Variants in PZP observed in about 807,000 individuals in gnomAD.
The protein encoded by PZP is pregnancy zone protein.
In PZP, 150 loss-of-function variants were observed where a neutral mutation model predicts 179.8. The ratio of observed to expected loss-of-function variants is 0.83; its 90% CI spans 0.73 to 0.96. The LOEUF is 0.96. PZP is among the 40% of genes least tolerant of loss of function. The probability of loss-of-function intolerance (pLI) is 0.00; values close to 1 mark genes in which losing one functional copy is unlikely to be tolerated. For synonymous variants in PZP, 624 were observed against 652.3 expected (o/e 0.96, Z 0.66); for missense variants, 1,689 against 1,764.0 (o/e 0.96, Z 0.76).
At chr12:9,155,513 T>G (rs937511188) in intron 28 of PZP, among the ~76,000 whole-genome samples, 5 of 151,306 alleles carry the variant, frequency 3.3e-5, no homozygotes, top group Admixed American at 6.6e-5. Context: ...TGTTGTTGTT[T>G]TTGTACTCCA....
chr12:9,157,472 C>A, intron 27 of PZP, 117 bp from the exon 28 acceptor site: 1 of 954,644 alleles, frequency 1.0e-6, no homozygotes, highest in Admixed American at 2.5e-5. Context: ...AGGCAGACAG[C>A]TAGATATTCA....
chr12:9,148,825 T>G (rs1318239822), downstream of PZP: 2 of 647,568 alleles, frequency 3.1e-6, no homozygotes. Flanking sequence ...GATGAATGAA[T>G]GATGCAACAA....
At chr12:9,144,921 G>T (rs757780990), downstream of PZP, among the ~76,000 whole-genome samples, 1 of 152,270 alleles carries the variant, frequency 6.6e-6, no homozygotes, top group African/African-American at 2.4e-5. Context: ...TGCCCTTTGG[G>T]GCAGTTTTTG....
In PZP at chr12:9,166,218, A is replaced by AT. The variant is rs765513292; in HGVS notation, c.2108-17dup. The AT allele has an allele frequency of 8.4e-5, 135 of 1,607,098 alleles. No homozygotes were observed. Among genetic ancestry groups the AT allele is most frequent in the Middle Eastern group, 1.7e-4 (1 of 6,040 alleles). On this transcript the variant is annotated splice_polypyrimidine_tract_variant and intron_variant, in intron 17 of 35. Coordinates refer to ENST00000261336, the MANE Select transcript of PZP (RefSeq NM_002864.3). ...CCTAGACCTGCTAAAGTAAGAGAAA[A>AT]TTGTCTAGTTAGGGAAAAACATTCA...
chr12:9,202,362 CG>C lies in PZP; in HGVS notation c.436del (p.Arg146ValfsTer15), dbSNP rs1565669831. On this transcript the variant is annotated frameshift_variant, in exon 4 of 36. Coordinates refer to ENST00000261336, the MANE Select transcript of PZP (RefSeq NM_002864.3). LOFTEE classifies it high-confidence loss of function. ...AAAATTTTCATCCACGGAGACAACA[CG>C]GAATCTTACTGGAAAAGTAGTTCTC... ...MYKPGQTVRF[R>X]VVSVDENFRP... is the part of the protein sequence containing the mutation. 6.2e-7 allele frequency: 1 copy of C among 1,613,994 alleles called. No individual in the cohort carries two copies. Among genetic ancestry groups the C allele is most frequent in the Non-Finnish European group, 8.5e-7 (1 of 1,180,026 alleles).
At chr12:9,172,694 C>G (rs1565641182) in intron 15 of PZP, among the ~76,000 whole-genome samples, 1 of 152,126 alleles carries the variant, frequency 6.6e-6, no homozygotes, top group Non-Finnish European at 1.5e-5. Flanking sequence ...TCTGACAAAA[C>G]AGACTTTAAA....
chr12:9,149,234 G>C (rs745320910), intron 35 of PZP, among the ~76,000 whole-genome samples: 5 of 152,360 alleles, frequency 3.3e-5, no homozygotes, highest in African/African-American at 4.8e-5. Flanking sequence ...ACAAAATTAA[G>C]TGTAAGGCTA....
At chr12:9,155,305 T>C (rs1474712833) in intron 28 of PZP, among the ~76,000 whole-genome samples, 3 of 152,222 alleles carry the variant, frequency 2.0e-5, no homozygotes, top group Admixed American at 2.0e-4. Context: ...TCTTTTTTTT[T>C]CTCTCCAACT....
At chr12:9,146,492 A>G (rs1447236986), downstream of PZP, among the ~76,000 whole-genome samples, 1 of 152,008 alleles carries the variant, frequency 6.6e-6, no homozygotes, top group African/African-American at 2.4e-5. Context: ...ACATAATTCC[A>G]TTTCATTAGT....
chr12:9,144,422 C>T (rs1939898739), downstream of PZP, among the ~76,000 whole-genome samples: 1 of 152,172 alleles, frequency 6.6e-6, no homozygotes, highest in Non-Finnish European at 1.5e-5. Flanking sequence ...GCCAGAGACT[C>T]TCAGGATCCA....
rs767934833 is a variant in PZP, at chr12:9,162,663, A to G, written c.2737-15T>C. On this transcript the variant is annotated splice_polypyrimidine_tract_variant and intron_variant, in intron 21 of 35. Coordinates refer to ENST00000261336, the MANE Select transcript of PZP (RefSeq NM_002864.3). Reference sequence around the variant, plus strand: ...ATACCTTCAGCCTTGGATGAAAGGAAAGAAAAGGAGAAAAGATAGAAACAT... The same window carrying G: ...ATACCTTCAGCCTTGGATGAAAGGAGAGAAAAGGAGAAAAGATAGAAACAT... 1 of 1,574,088 alleles carries G rather than the reference A, an allele frequency of 6.4e-7. No individual in the cohort carries two copies. Among genetic ancestry groups the G allele is most frequent in the Non-Finnish European group, 8.7e-7 (1 of 1,145,920 alleles).
chr12:9,200,091 A>G (rs1316452199), intron 7 of PZP, among the ~76,000 whole-genome samples: 1 of 152,224 alleles, frequency 6.6e-6, no homozygotes, highest in African/African-American at 2.4e-5. Context: ...ATGTACAGAA[A>G]AATATCATGA....
chr12:9,174,132 A>G (rs564020690), intron 15 of PZP, among the ~76,000 whole-genome samples: 2 of 152,124 alleles, frequency 1.3e-5, no homozygotes, highest in Non-Finnish European at 2.9e-5. Context: ...ATCCACCACA[A>G]CCAAGTAGGC....
rs1166824160 is a variant in PZP, at chr12:9,170,962, T to A, written c.1840-1371A>T. 6.6e-6 allele frequency among the ~76,000 whole-genome samples: 1 copy of A among 152,222 alleles called. No individual in the cohort carries two copies. Among genetic ancestry groups the A allele is most frequent in the East Asian group, 1.9e-4 (1 of 5,170 alleles). The stretch of plus-strand genomic sequence containing the variant: ...TACAGGTGATCCAGGTGAGGAAGGA[T>A]CCCACCCAATGCAGCCCACCTGCTC... On this transcript the variant is annotated intron_variant, in intron 15 of 35. Transcript: ENST00000261336. The surrounding 1 kb of genome is among the most constrained non-coding windows in gnomAD (Gnocchi z 4.6).
intron 17 of PZP, chr12:9,167,670 T>A (rs962531226): frequency 6.6e-6 from 1 of 152,242 alleles, no homozygotes; most frequent in African/African-American, 2.4e-5. Context: ...TTTCCTCATA[T>A]ACCTGATTCA....
At chr12:9,185,437 T>C (rs1038600822) in intron 13 of PZP, among the ~76,000 whole-genome samples, 1 of 152,190 alleles carries the variant, frequency 6.6e-6, no homozygotes, top group African/African-American at 2.4e-5. Flanking sequence ...ATTATTTATG[T>C]AAAAAGACTG....
intron 15 of PZP, among the ~76,000 whole-genome samples, chr12:9,174,955 A>C (rs7311066): frequency 0.59 from 90,388 of 152,056 alleles, 27,814 homozygotes; most frequent in East Asian, 0.83. Context: ...GAATTAGAAA[A>C]ATCTATTTTA....
At position 9,160,141 on chromosome 12, in the gene PZP, A is replaced by G. The variant is rs139140803; in HGVS notation, c.3050-116T>C. ...ATTTTATGACCTTCTGTGATCTGCC[A>G]TAGTTTTGTGAATGTTATGGATAGA... On this transcript the variant is annotated intron_variant, in intron 24 of 35. Coordinates refer to ENST00000261336, the MANE Select transcript of PZP (RefSeq NM_002864.3). 488 of 1,177,500 alleles carry G rather than the reference A, an allele frequency of 4.1e-4. 1 individual carries two copies. In the African/African-American group the frequency reaches 6.5e-3, roughly 16 times the overall value. 72.9% of individuals were successfully genotyped at this position (1,177,500 alleles called of 1,614,324 possible).
intron 17 of PZP, chr12:9,166,980 C>G (rs1402985764): frequency 1.3e-5 from 2 of 152,162 alleles, no homozygotes; most frequent in African/African-American, 4.8e-5. Flanking sequence ...AGAATACTTA[C>G]AAGGAAAAAT....
Sources: allele counts gnomAD v4.1 joint callset (sites outside exome capture counted in the v4.1 genomes callset), GRCh38; gene constraint gnomAD v4.1.1; non-coding constraint Gnocchi (gnomAD v3.1); transcripts MANE v1.5; gene names NCBI Gene and HGNC (gene_info 2026-07-23, HGNC 2026-07-21).